Variants in VASH2 observed in about 807,000 individuals in gnomAD.
The protein encoded by VASH2 is vasohibin 2.
A neutral mutation model predicts 37.2 loss-of-function variants in VASH2; 28 were observed. The observed-to-expected ratio is 0.75, with a 90% CI of 0.56 to 1.03. The LOEUF (loss-of-function observed/expected upper bound fraction) is 1.03. VASH2 is among the 50% of genes least tolerant of loss of function. The pLI, the probability that VASH2 is intolerant of heterozygous loss-of-function variation, is 0.00. For synonymous variants in VASH2, 188 were observed against 174.7 expected (o/e 1.08, Z -0.60); for missense variants, 419 against 459.1 (o/e 0.91, Z 0.80).
intron 7 of VASH2, among the ~76,000 whole-genome samples, chr1:212,977,491 C>T (rs533958492): frequency 3.1e-4 from 47 of 151,234 alleles, no homozygotes; most frequent in African/African-American, 1.1e-3. Context: ...GATATATGAG[C>T]AGCTGGGGTC....
intron 2 of VASH2, among the ~76,000 whole-genome samples, chr1:212,956,917 G>A (rs988545838): frequency 6.6e-6 from 1 of 152,132 alleles, no homozygotes; most frequent in African/African-American, 2.4e-5. Context: ...GTACAACTCT[G>A]TGGCATTGAG....
chr1:212,985,580 C>T (rs1225520118), intron 7 of VASH2, among the ~76,000 whole-genome samples: 2 of 151,972 alleles, frequency 1.3e-5, no homozygotes, highest in African/African-American at 4.8e-5. Context: ...TCATACCCGG[C>T]TGTTTTTTGT....
chr1:212,969,065 T>C (rs757847341), intron 5 of VASH2: 7 of 985,310 alleles, frequency 7.1e-6, no homozygotes, highest in Non-Finnish European at 8.4e-6. Context: ...GCTCGTGGTT[T>C]TCCTTTGTTC....
At chr1:212,966,022 G>A (rs990992112) in intron 4 of VASH2, 25 of 600,334 alleles carry the variant, frequency 4.2e-5, no homozygotes, top group Admixed American at 1.5e-4. Context: ...TGCCTCTCGA[G>A]GCTTCATTTA....
Position 212,988,909 on chromosome 1 carries a change from T to C in VASH2, c.*325T>C, listed in dbSNP as rs150770526. 2.2e-3 allele frequency: 587 copies of C among 266,674 alleles called. 3 individuals are homozygous for C. The highest frequency in any genetic ancestry group is 0.012 in the African/African-American group (550 of 46,390). The allele number at this position is 266,674 out of a possible 1,614,324, so 16.5% of individuals were successfully genotyped here. ...TGCTTTGAACATTATGCCTCACCAATAGTAAATGTTCATGAAATAATCTCT... is the reference window on the plus strand; with the variant it reads ...TGCTTTGAACATTATGCCTCACCAACAGTAAATGTTCATGAAATAATCTCT... On this transcript the variant is annotated 3_prime_UTR_variant, in exon 8 of 8. Transcript: ENST00000517399.
intron 5 of VASH2, among the ~76,000 whole-genome samples, chr1:212,970,971 C>G (rs745843336): frequency 6.6e-6 from 1 of 152,068 alleles, no homozygotes; most frequent in African/African-American, 2.4e-5. Flanking sequence ...CCATTTCCCC[C>G]CTCCAGCCCC....
chr1:212,981,322 G>A (rs1015372623), intron 7 of VASH2, among the ~76,000 whole-genome samples: 2 of 152,238 alleles, frequency 1.3e-5, no homozygotes, highest in Non-Finnish European at 2.9e-5. Context: ...TCCATCAGGG[G>A]AAGCAAGGAA....
chr1:212,991,165 T>C lies in VASH2; in HGVS notation c.*2581T>C, dbSNP rs2075855915. The C allele has an allele frequency of 7.5e-6, 1 of 133,828 alleles. No individual in the cohort carries two copies. Among genetic ancestry groups the C allele is most frequent in the Non-Finnish European group, 1.6e-5 (1 of 61,032 alleles). The allele number at this position is 133,828 out of a possible 1,614,324, so 8.3% of individuals were successfully genotyped here. A position where few individuals can be genotyped will look rare whatever the true frequency, so the allele number is the denominator to read the frequency against. On this transcript the variant is annotated 3_prime_UTR_variant, in exon 8 of 8. Transcript: ENST00000517399. ...TTGAGTACACTTTATTTCGGAGATA[T>C]TTAGTATTTTCTATACACTCTGAAA...
intron 7 of VASH2, among the ~76,000 whole-genome samples, chr1:212,978,740 C>T (rs975579084): frequency 6.6e-5 from 10 of 152,128 alleles, no homozygotes; most frequent in Non-Finnish European, 1.5e-4. Context: ...GGCCTTGGAA[C>T]GGTTTGACCA....
At chr1:212,987,820 A>T (rs1416475704) in intron 7 of VASH2, among the ~76,000 whole-genome samples, 1 of 152,240 alleles carries the variant, frequency 6.6e-6, no homozygotes, top group African/African-American at 2.4e-5. Flanking sequence ...GTCATTTAGG[A>T]CGCATCTTTA....
chr1:212,982,738 C>T (rs1667373606), intron 7 of VASH2, among the ~76,000 whole-genome samples: 1 of 152,198 alleles, frequency 6.6e-6, no homozygotes. Flanking sequence ...GGGCAGTTCA[C>T]CAGGAATCTC....
chr1:212,970,389 A>T (rs1208028802), intron 5 of VASH2, among the ~76,000 whole-genome samples: 2 of 152,148 alleles, frequency 1.3e-5, no homozygotes, highest in Admixed American at 1.3e-4. Context: ...CTGGCTGACT[A>T]CTTATCCTGT....
intron 7 of VASH2, among the ~76,000 whole-genome samples, chr1:212,979,262 G>T (rs569063692): frequency 1.3e-5 from 2 of 152,208 alleles, no homozygotes; most frequent in Non-Finnish European, 2.9e-5. Context: ...TCTTGCTTTT[G>T]GCGAGGAAAT....
chr1:212,966,856 T>G (rs1666864901), intron 5 of VASH2: 3 of 353,352 alleles, frequency 8.5e-6, no homozygotes, highest in Non-Finnish European at 1.7e-5. Flanking sequence ...GCCTCCTGAG[T>G]AGCTGGGATT....
At chr1:212,979,843 G>C (rs1468721510) in intron 7 of VASH2, among the ~76,000 whole-genome samples, 2 of 152,158 alleles carry the variant, frequency 1.3e-5, no homozygotes, top group Non-Finnish European at 2.9e-5. Flanking sequence ...GGTTCGTAAA[G>C]AGAAAGGGAG....
intron 2 of VASH2, among the ~76,000 whole-genome samples, chr1:212,959,826 TC>T (rs1277279469): frequency 6.6e-6 from 1 of 152,172 alleles, no homozygotes; most frequent in East Asian, 1.9e-4. Context: ...GAGCACCAGA[TC>T]CCCAGGGCTG....
In VASH2 at chr1:212,951,551, C is replaced by A. The variant is rs970093175; in HGVS notation, c.9C>A (p.Gly3=). The change falls in exon 2 of 8, where the codon GGC becomes GGA. Residue 3 remains glycine (G), a synonymous_variant. Coordinates refer to ENST00000517399, the MANE Select transcript of VASH2 (RefSeq NM_001301056.2). The surrounding 1 kb of genome is among the most constrained non-coding windows in gnomAD (Gnocchi z 4.4). Reference sequence around the variant, plus strand: ...CCCGCCCAGGCCCCACCATGACCGGCTCCGCGGCCGACACTCACCGCTGCC... The same window carrying A: ...CCCGCCCAGGCCCCACCATGACCGGATCCGCGGCCGACACTCACCGCTGCC... MT[G]SAADTHRCPH... The A allele has an allele frequency of 9.2e-6, 14 of 1,519,362 alleles. No homozygotes were observed. The African/African-American group carries it at 1.9e-4, about 21-fold the overall frequency. 94.1% of individuals were successfully genotyped at this position (1,519,362 alleles called of 1,614,324 possible).
intron 2 of VASH2, among the ~76,000 whole-genome samples, chr1:212,955,459 A>G (rs981066113): frequency 2.6e-5 from 4 of 152,190 alleles, no homozygotes; most frequent in African/African-American, 9.7e-5. Context: ...TTTTTCAGAA[A>G]GACTTTAAGG....
intron 7 of VASH2, among the ~76,000 whole-genome samples, chr1:212,988,298 A>G (rs2075816837): frequency 6.6e-6 from 1 of 152,218 alleles, no homozygotes; most frequent in South Asian, 2.1e-4. Context: ...TGAACTCTAC[A>G]TTGAAAGTCT....
Sources: allele counts gnomAD v4.1 joint callset (sites outside exome capture counted in the v4.1 genomes callset), GRCh38; gene constraint gnomAD v4.1.1; non-coding constraint Gnocchi (gnomAD v3.1); transcripts MANE v1.5; gene names NCBI Gene and HGNC (gene_info 2026-07-23, HGNC 2026-07-21).